Variants in DNA2 observed in about 807,000 individuals in gnomAD.
The protein encoded by DNA2 is DNA replication ATP-dependent helicase/nuclease DNA2.
Under a neutral mutation model 119.1 loss-of-function variants are expected in DNA2, and 101 were observed. That is an observed-to-expected ratio of 0.85 (90% CI 0.72 to 1.00). The LOEUF (loss-of-function observed/expected upper bound fraction) is 1.00, where lower values mean the gene tolerates loss of function less well. Among genes scored for constraint, DNA2 ranks in the 50% least tolerant of loss-of-function variants. The pLI is 0.00. For missense variants in DNA2, 1,121 were observed against 1,255.5 expected, an observed-to-expected ratio of 0.89 and a Z score of 1.62; for synonymous variants, 366 against 424.4, an observed-to-expected ratio of 0.86 and a Z score of 1.69.
intron 1 of DNA2, among the ~76,000 whole-genome samples, chr10:68,471,064 T>G (rs917583814): frequency 3.9e-5 from 6 of 152,304 alleles, no homozygotes; most frequent in African/African-American, 1.4e-4. Flanking sequence ...TAAGTACCTC[T>G]TAAGTCTTCC....
intron 5 of DNA2, among the ~76,000 whole-genome samples, chr10:68,452,811 T>C (rs1443351311): frequency 1.4e-5 from 2 of 147,542 alleles, no homozygotes. Flanking sequence ...CTCGAACTCC[T>C]GGTCTCAAGC....
At chr10:68,439,031 C>CAAA (rs35393675) in intron 9 of DNA2, among the ~76,000 whole-genome samples, 14,268 of 80,182 alleles carry the variant, frequency 0.18, 1,246 homozygotes, top group East Asian at 0.46. Context: ...AGAATCTGTC[C>CAAA]AAAAAAAAAA....
intron 20 of DNA2, 95 bp downstream of exon 20, chr10:68,416,614 C>A: frequency 7.6e-7 from 1 of 1,317,382 alleles, no homozygotes; most frequent in Non-Finnish European, 1.1e-6. Flanking sequence ...TCAAGACCAG[C>A]TTAAGCAACA....
intron 15 of DNA2, 41 bp downstream of exon 15, chr10:68,422,656 A>G (rs1164073901): frequency 6.2e-7 from 1 of 1,613,486 alleles, no homozygotes; most frequent in African/African-American, 1.3e-5. Flanking sequence ...TGTTCCTTGA[A>G]AATAATCTAG....
intron 5 of DNA2, among the ~76,000 whole-genome samples, chr10:68,450,740 C>T (rs754275720): frequency 5.3e-5 from 8 of 152,134 alleles, no homozygotes; most frequent in South Asian, 2.1e-4. Context: ...ACAATTATTA[C>T]GCAAATTAGT....
chr10:68,431,223 GAA>G lies in DNA2; in HGVS notation c.1984-565_1984-564del, dbSNP rs869245045. Among the ~76,000 whole-genome samples the G allele has an allele frequency of 5.4e-5, 5 of 91,750 alleles. No individual in the cohort carries two copies. The East Asian group carries it at 1.6e-3, about 29-fold the overall frequency. 60.2% of individuals were successfully genotyped at this position (91,750 alleles called of 152,430 possible). On this transcript the variant is annotated intron_variant, in intron 13 of 20. Transcript: ENST00000358410. ...AAGACTCCATCTCAAAAAAAAAAAAGAAAAAGAAAAGAAAAAAAGAAATTTAC... is the reference window on the plus strand; with the variant it reads ...AAGACTCCATCTCAAAAAAAAAAAAGAAAGAAAAGAAAAAAAGAAATTTAC...
chr10:68,448,282 T>A (rs1290909040), intron 6 of DNA2, among the ~76,000 whole-genome samples: 1 of 152,100 alleles, frequency 6.6e-6, no homozygotes, highest in Non-Finnish European at 1.5e-5. Flanking sequence ...GAAATGTCAT[T>A]AACCACCTTA....
chr10:68,446,402 G>A lies in DNA2; in HGVS notation c.951C>T (p.Tyr317=), dbSNP rs113087932. 9.5e-6 allele frequency: 15 copies of A among 1,582,734 alleles called. No homozygotes were observed. Among genetic ancestry groups the A allele is most frequent in the Non-Finnish European group, 1.2e-5 (14 of 1,162,712 alleles). The part of the protein sequence containing the change: ...SIEHRSQVVL[Y]TLLSQERRAD... ...CTCTTCTCTCTTGGCTTAGTAGAGT[G>A]TACAGAACAACCTGTGCAAACATTG... The change falls in exon 7 of 21, where the codon TAC becomes TAT. Residue 317 remains tyrosine (Y), a synonymous_variant. Transcript: ENST00000358410.
chr10:68,456,966 C>G (rs1485466308), intron 5 of DNA2, among the ~76,000 whole-genome samples: 1 of 151,638 alleles, frequency 6.6e-6, no homozygotes, highest in Non-Finnish European at 1.5e-5. Flanking sequence ...AACCCCGGCT[C>G]TACTAAAAAT....
At chr10:68,415,193 C>T (rs1037296184) in intron 20 of DNA2, 86 bp from the exon 21 acceptor site, 3 of 770,204 alleles carry the variant, frequency 3.9e-6, no homozygotes, top group Non-Finnish European at 6.1e-6. Context: ...TGTAATTTGA[C>T]TTACAGGACC....
intron 13 of DNA2, among the ~76,000 whole-genome samples, chr10:68,431,175 CA>C (rs1312912739): frequency 6.8e-6 from 1 of 146,488 alleles, no homozygotes; most frequent in Non-Finnish European, 1.5e-5. Context: ...AGGCATGATC[CA>C]CCTCGCCTGG....
chr10:68,436,374 C>A (rs556965599), intron 10 of DNA2, among the ~76,000 whole-genome samples: 4 of 152,114 alleles, frequency 2.6e-5, no homozygotes, highest in Non-Finnish European at 5.9e-5. Flanking sequence ...ATGGATGAAT[C>A]CATACAGAAA....
At chr10:68,434,443 T>C (rs2051861191) in intron 10 of DNA2, among the ~76,000 whole-genome samples, 1 of 151,208 alleles carries the variant, frequency 6.6e-6, no homozygotes, top group African/African-American at 2.4e-5. Context: ...AGCCCATGAG[T>C]TCAAGACCAG....
chr10:68,442,638 C>T (rs779331169), intron 9 of DNA2, among the ~76,000 whole-genome samples: 36 of 152,150 alleles, frequency 2.4e-4, no homozygotes, highest in African/African-American at 8.4e-4. Flanking sequence ...CCACCCACCT[C>T]GGCCTCCCAA....
rs540503244 is a variant in DNA2 at position 68,463,311 on chromosome 10, G to A, written c.587+2356C>T. On this transcript the variant is annotated intron_variant, in intron 4 of 20. Transcript: ENST00000358410. ...TACAAAAATTCAGCCGGGCGTGGTG[G>A]CGGCCGCCTGTAGTCCCAGCTACTC... Among the ~76,000 whole-genome samples the A allele has an allele frequency of 2.0e-5, 3 of 152,008 alleles. No individual in the cohort carries two copies. The East Asian group carries it at 5.8e-4, about 29-fold the overall frequency.
intron 14 of DNA2, among the ~76,000 whole-genome samples, chr10:68,425,655 C>T (rs933589163): frequency 6.6e-6 from 1 of 151,578 alleles, no homozygotes; most frequent in Admixed American, 6.6e-5. Flanking sequence ...CCTGCCTCGG[C>T]CTCCCAAAGT....
At chr10:68,424,516 A>ACC in intron 14 of DNA2, 1 of 660,192 alleles carries the variant, frequency 1.5e-6, no homozygotes, top group South Asian at 1.6e-5. Context: ...AAAAAAAAAA[A>ACC]AAAACAAAAC....
chr10:68,471,664 C>T, intron 1 of DNA2, 127 bp downstream of exon 1: 1 of 1,202,678 alleles, frequency 8.3e-7, no homozygotes, highest in Non-Finnish European at 1.1e-6. Flanking sequence ...CGTCGGGTGC[C>T]CAGGGAGCTG....
intron 14 of DNA2, among the ~76,000 whole-genome samples, chr10:68,426,227 G>A (rs1454474751): frequency 6.7e-6 from 1 of 150,326 alleles, no homozygotes; most frequent in South Asian, 2.1e-4. Flanking sequence ...TGTATATTCC[G>A]GACTTCCTCA....
Sources: gnomAD v4.1 joint callset for allele counts (sites outside exome capture counted in the v4.1 genomes callset) on GRCh38, gnomAD v4.1.1 for gene constraint, MANE v1.5 for transcripts, NCBI Gene and HGNC (gene_info 2026-07-23, HGNC 2026-07-21) for gene names.